The following ST8SIA6 variants were observed in gnomAD, a reference collection of about 807,000 sequenced individuals.
ST8SIA6 encodes ST8 alpha-N-acetyl-neuraminide alpha-2,8-sialyltransferase 6.
In ST8SIA6, 39 loss-of-function variants were observed where a neutral mutation model predicts 33.6. The observed-to-expected ratio is 1.16, with a 90% CI of 0.90 to 1.52. The LOEUF is 1.52. ST8SIA6 is among the 40% of genes most tolerant of loss of function. The probability of loss-of-function intolerance (pLI) is 0.00; values close to 1 mark genes in which losing one functional copy is unlikely to be tolerated. For synonymous variants in ST8SIA6, 172 were observed against 167.2 expected (o/e 1.03, Z -0.22); for missense variants, 441 against 443.8 (o/e 0.99, Z 0.06).
rs997970346 is a variant in ST8SIA6 at position 17,349,778 on chromosome 10, G to C, written c.377+9736C>G. 3.3e-5 allele frequency among the ~76,000 whole-genome samples: 5 copies of C among 152,170 alleles called. No individual in the cohort carries two copies. In the South Asian group the frequency reaches 1.0e-3, roughly 32 times the overall value. ...ACACATGGAGTCAACTTAAAGCTGA[G>C]CCTAGAAACCAGACTGTACTCCCCA... On this transcript the variant is annotated intron_variant, in intron 4 of 7. Coordinates refer to ENST00000377602, the MANE Select transcript of ST8SIA6 (RefSeq NM_001004470.3).
intron 2 of ST8SIA6, among the ~76,000 whole-genome samples, chr10:17,421,260 C>G (rs367846064): frequency 6.6e-6 from 1 of 152,178 alleles, no homozygotes; most frequent in Non-Finnish European, 1.5e-5. Flanking sequence ...TCCTCTGTTG[C>G]AACTGCATTA....
chr10:17,432,375 A>G (rs1852127586), intron 2 of ST8SIA6, among the ~76,000 whole-genome samples: 1 of 152,210 alleles, frequency 6.6e-6, no homozygotes, highest in African/African-American at 2.4e-5. Context: ...TTCTGAGGCA[A>G]TTACAACAAT....
intron 4 of ST8SIA6, among the ~76,000 whole-genome samples, chr10:17,346,756 T>C (rs1848850386): frequency 6.6e-6 from 1 of 152,212 alleles, no homozygotes; most frequent in Non-Finnish European, 1.5e-5. Context: ...ACAATAGCTA[T>C]GTGTGTCTGG....
In ST8SIA6 at chr10:17,322,257, AAG is replaced by A. The variant is rs879257022; in HGVS notation, c.728+806_728+807del. ...AAAAGAAAGAGAAAAAGAAAGGAAA[AAG>A]AGAGAAAGAAAAGAAGGAGGGAGGA... is the stretch of plus-strand genomic sequence containing the variant. On this transcript the variant is annotated intron_variant, in intron 7 of 7. Transcript: ENST00000377602. Among the ~76,000 whole-genome samples, 31 of 151,888 alleles carry A rather than the reference AAG, an allele frequency of 2.0e-4. No individual in the cohort carries two copies. The East Asian group carries it at 3.7e-3, about 18-fold the overall frequency.
rs981707398 is a variant in ST8SIA6 at position 17,316,633 on chromosome 10, A to T, written c.*4245T>A. ...AATCAGCTTATACTTCCACACTTGAAGTTAATGACCTTACTCATTTTTACC... is the reference window on the plus strand; with the variant it reads ...AATCAGCTTATACTTCCACACTTGATGTTAATGACCTTACTCATTTTTACC... On this transcript the variant is annotated 3_prime_UTR_variant, in exon 8 of 8. Transcript: ENST00000377602. Among the ~76,000 whole-genome samples the T allele has an allele frequency of 2.6e-5, 4 of 152,160 alleles. No individual in the cohort carries two copies. The highest frequency in any genetic ancestry group is 9.6e-5 in the African/African-American group (4 of 41,456).
At chr10:17,334,774 G>A (rs887712833) in intron 4 of ST8SIA6, among the ~76,000 whole-genome samples, 1 of 152,110 alleles carries the variant, frequency 6.6e-6, no homozygotes, top group Non-Finnish European at 1.5e-5. Context: ...TTACCATGGA[G>A]TGAAACATTA....
At chr10:17,342,024 T>C (rs539919242) in intron 4 of ST8SIA6, among the ~76,000 whole-genome samples, 9 of 151,962 alleles carry the variant, frequency 5.9e-5, no homozygotes, top group Admixed American at 5.9e-4. Context: ...ATCTTATACT[T>C]CACAGCCTCC....
chr10:17,338,906 G>C (rs1039811886), intron 4 of ST8SIA6, among the ~76,000 whole-genome samples: 29 of 152,146 alleles, frequency 1.9e-4, no homozygotes, highest in African/African-American at 7.0e-4. Context: ...CCGAGTTCTA[G>C]AATTCAGGAG....
chr10:17,337,695 C>G (rs767442014), intron 4 of ST8SIA6, among the ~76,000 whole-genome samples: 1 of 152,202 alleles, frequency 6.6e-6, no homozygotes, highest in Admixed American at 6.5e-5. Flanking sequence ...CTCTATTATG[C>G]TATTTCCCAT....
At chr10:17,405,829 C>G (rs1226724385) in intron 2 of ST8SIA6, among the ~76,000 whole-genome samples, 1 of 150,510 alleles carries the variant, frequency 6.6e-6, no homozygotes, top group African/African-American at 2.5e-5. Context: ...TTGCAGTGAG[C>G]CACGATCATG....
At chr10:17,411,302 C>T (rs1350773658) in intron 2 of ST8SIA6, among the ~76,000 whole-genome samples, 2 of 152,052 alleles carry the variant, frequency 1.3e-5, no homozygotes, top group East Asian at 3.9e-4. Flanking sequence ...TTCTGCCTCA[C>T]CCTCCCTAGT....
intron 2 of ST8SIA6, among the ~76,000 whole-genome samples, chr10:17,415,850 C>A (rs1851591251): frequency 6.9e-6 from 1 of 144,692 alleles, no homozygotes; most frequent in South Asian, 2.2e-4. Flanking sequence ...TGCTCTGTCA[C>A]CCAGGCTGGA....
intron 2 of ST8SIA6, among the ~76,000 whole-genome samples, chr10:17,422,262 G>A (rs944445908): frequency 2.6e-5 from 4 of 152,086 alleles, no homozygotes; most frequent in South Asian, 2.1e-4. Flanking sequence ...GTTCTAAAAC[G>A]TTTGTGAAAT....
chr10:17,374,662 G>A (rs11254566), intron 3 of ST8SIA6, among the ~76,000 whole-genome samples: 23 of 150,452 alleles, frequency 1.5e-4, no homozygotes, highest in African/African-American at 5.6e-4. Flanking sequence ...TGCAGTGAGC[G>A]GAGATCGTAC....
chr10:17,343,635 C>T (rs565894738), intron 4 of ST8SIA6, among the ~76,000 whole-genome samples: 20 of 152,016 alleles, frequency 1.3e-4, no homozygotes, highest in Non-Finnish European at 1.5e-4. Flanking sequence ...AAAGAGAGCC[C>T]TGAGAAAAAC....
chr10:17,339,981 A>C (rs559842350), intron 4 of ST8SIA6, among the ~76,000 whole-genome samples: 1 of 152,220 alleles, frequency 6.6e-6, no homozygotes, highest in Non-Finnish European at 1.5e-5. Flanking sequence ...GAAAATAAAA[A>C]GGTTTAGAAA....
intron 3 of ST8SIA6, among the ~76,000 whole-genome samples, chr10:17,379,323 G>A (rs1374176665): frequency 4.0e-5 from 6 of 149,182 alleles, no homozygotes; most frequent in Admixed American, 1.3e-4. Flanking sequence ...GAGTAAGAAT[G>A]AGAAAAGGAG....
chr10:17,328,585 G>GT (rs1256581243), intron 5 of ST8SIA6, among the ~76,000 whole-genome samples: 1 of 152,182 alleles, frequency 6.6e-6, no homozygotes, highest in Non-Finnish European at 1.5e-5. Context: ...GGATTAAGGT[G>GT]TAAGTCCTCA....
chr10:17,439,092 G>A (rs1176569322), intron 2 of ST8SIA6, among the ~76,000 whole-genome samples: 2 of 152,120 alleles, frequency 1.3e-5, no homozygotes, highest in Non-Finnish European at 2.9e-5. Context: ...CAGTTTTACA[G>A]TTTCTACTTA....
Sources: gnomAD v4.1 joint callset for allele counts (sites outside exome capture counted in the v4.1 genomes callset) on GRCh38, gnomAD v4.1.1 for gene constraint, MANE v1.5 for transcripts, NCBI Gene and HGNC (gene_info 2026-07-23, HGNC 2026-07-21) for gene names.